Variants in PSME4 observed in about 807,000 individuals in gnomAD.
The protein encoded by PSME4 is proteasome activator complex subunit 4.
In PSME4, 89 loss-of-function variants were observed where a neutral mutation model predicts 253.9. The ratio of observed to expected loss-of-function variants is 0.35; its 90% CI spans 0.30 to 0.42. The LOEUF (loss-of-function observed/expected upper bound fraction) is 0.42, where lower values mean the gene tolerates loss of function less well. PSME4 is among the 10% of genes least tolerant of loss of function. The pLI, the probability that PSME4 is intolerant of heterozygous loss-of-function variation, is 1.00. For missense variants in PSME4, 2,014 were observed against 2,195.2 expected, an observed-to-expected ratio of 0.92 and a Z score of 1.65; for synonymous variants, 851 against 759.2, an observed-to-expected ratio of 1.12 and a Z score of -1.99.
intron 3 of PSME4, among the ~76,000 whole-genome samples, chr2:53,946,105 C>T (rs912532753): frequency 6.6e-6 from 1 of 152,132 alleles, no homozygotes; most frequent in Admixed American, 6.6e-5. Context: ...AGAAAATTTC[C>T]AGACAAACAG....
chr2:53,932,951 T>A, intron 8 of PSME4, 191 bp from the exon 9 acceptor site: 1 of 531,484 alleles, frequency 1.9e-6, no homozygotes, highest in Non-Finnish European at 3.4e-6. Context: ...CTCAAAATAT[T>A]CTACTGCAAA....
chr2:53,965,999 C>T (rs1670717673), intron 1 of PSME4, among the ~76,000 whole-genome samples: 1 of 152,160 alleles, frequency 6.6e-6, no homozygotes, highest in Non-Finnish European at 1.5e-5. Context: ...CACTCCACTA[C>T]TGGCACTACA....
chr2:53,873,237 T>TTAAAAAAAAAAAAAAA (rs1678972378), intron 43 of PSME4, among the ~76,000 whole-genome samples: 1 of 63,464 alleles, frequency 1.6e-5, no homozygotes, highest in African/African-American at 8.6e-5. Context: ...AGACTCCGTC[T>TTAAAAAAAAAAAAAAA]CAAAAAAAAA....
chr2:53,929,454 G>A (rs994624398), intron 10 of PSME4, among the ~76,000 whole-genome samples: 2 of 152,018 alleles, frequency 1.3e-5, no homozygotes, highest in African/African-American at 4.8e-5. Context: ...TACCACTCCC[G>A]GCTAACTTTT....
At chr2:53,948,682 A>T in intron 2 of PSME4, 145 bp from the exon 3 acceptor site, 1 of 620,508 alleles carries the variant, frequency 1.6e-6, no homozygotes, top group Non-Finnish European at 2.9e-6. Context: ...CACTAGCAGA[A>T]CATAGTATTA....
rs374063685 is a variant in PSME4 at position 53,866,854 on chromosome 2, G to C, written c.5290C>G (p.Leu1764Val). The C allele has an allele frequency of 6.2e-7, 1 of 1,613,930 alleles. No homozygotes were observed. The highest frequency in any genetic ancestry group is 8.5e-7 in the Non-Finnish European group (1 of 1,179,966). Residue 1764 changes from leucine to valine, a missense_variant, in exon 45 of 47, where the codon CTA becomes GTA. By Grantham distance (32) the Leu-to-Val change is conservative. Around this residue, in one of 4 missense-constraint regions of PSME4, gnomAD observed 403 missense variants for 556.1 expected, o/e 0.72. Coordinates refer to ENST00000404125, the MANE Select transcript of PSME4 (RefSeq NM_014614.3). ...GAAAGAACACATGCACCAAGTCCTA[G>C]CACCCCAGCATGGCGTTTGACCAAC... The part of the protein sequence containing the change: ...AELVKRHAGV[L>V]GLGACVLSSP...
In PSME4 at chr2:53,920,769, A is replaced by G. The variant is rs149705901; in HGVS notation, c.2262+120T>C. 7.1e-4 allele frequency: 586 copies of G among 828,912 alleles called. 2 individuals are homozygous for G. In the African/African-American group the frequency reaches 9.6e-3, roughly 14 times the overall value. The allele number at this position is 828,912 out of a possible 1,614,324, so 51.3% of individuals were successfully genotyped here. ...CACAAGTTTCACATATTCCAATAATAGTTTCAATAATCTATCTTAAAAGTA... is the reference window on the plus strand; with the variant it reads ...CACAAGTTTCACATATTCCAATAATGGTTTCAATAATCTATCTTAAAAGTA... On this transcript the variant is annotated intron_variant, in intron 18 of 46. Coordinates refer to ENST00000404125, the MANE Select transcript of PSME4 (RefSeq NM_014614.3).
At chr2:53,930,807 T>C (rs1251267799) in intron 10 of PSME4, among the ~76,000 whole-genome samples, 2 of 152,174 alleles carry the variant, frequency 1.3e-5, no homozygotes, top group African/African-American at 4.8e-5. Context: ...CTTGGACAAA[T>C]TTTTATGGAA....
chr2:53,970,280 G>A (rs1485156695), intron 1 of PSME4, among the ~76,000 whole-genome samples: 1 of 152,218 alleles, frequency 6.6e-6, no homozygotes, highest in Non-Finnish European at 1.5e-5. Flanking sequence ...CAGGTGGGAA[G>A]ACAACAACCC....
Position 53,894,981 on chromosome 2 carries a change from G to A in PSME4, c.3912+26C>T, listed in dbSNP as rs372991412. 12 of 1,588,680 alleles carry A rather than the reference G, an allele frequency of 7.6e-6. No individual in the cohort carries two copies. In the African/African-American group the frequency reaches 1.6e-4, roughly 22 times the overall value. On this transcript the variant is annotated intron_variant, in intron 34 of 46. Transcript: ENST00000404125. Reference sequence around the variant, plus strand: ...CAGTGGCCCAAAACAAGATGCATTTGAACCATGGTGAAATGGAATGCTTAC... The same window carrying A: ...CAGTGGCCCAAAACAAGATGCATTTAAACCATGGTGAAATGGAATGCTTAC...
rs2104404515 is a variant in PSME4, at chr2:53,865,208, A to G, written c.*370T>C. On this transcript the variant is annotated 3_prime_UTR_variant, in exon 47 of 47. Transcript: ENST00000404125. ...AAAATAATTTGAGATGAATGAAATGACAGGACCTGTATTACAGATGGGTAT... is the reference window on the plus strand; with the variant it reads ...AAAATAATTTGAGATGAATGAAATGGCAGGACCTGTATTACAGATGGGTAT... 1 of 152,792 alleles carries G rather than the reference A, an allele frequency of 6.5e-6. No individual in the cohort carries two copies. The highest frequency in any genetic ancestry group is 2.1e-4 in the South Asian group (1 of 4,832). The allele number at this position is 152,792 out of a possible 1,614,324, so 9.5% of individuals were successfully genotyped here.
intron 11 of PSME4, among the ~76,000 whole-genome samples, 172 bp downstream of exon 11, chr2:53,927,945 G>A (rs551808255): frequency 1.3e-5 from 2 of 152,050 alleles, no homozygotes; most frequent in South Asian, 2.1e-4. Context: ...CCAAGACTCC[G>A]TCTCAAAATA....
chr2:53,884,867 A>C (rs1679564816), intron 41 of PSME4, among the ~76,000 whole-genome samples: 1 of 152,238 alleles, frequency 6.6e-6, no homozygotes, highest in Admixed American at 6.5e-5. Context: ...AAAGTATTTT[A>C]GTAGTACAAT....
intron 41 of PSME4, among the ~76,000 whole-genome samples, chr2:53,876,865 G>A (rs903942229): frequency 6.6e-6 from 1 of 150,994 alleles, no homozygotes; most frequent in Non-Finnish European, 1.5e-5. Context: ...CCACAGGCAC[G>A]CACCACCGTG....
intron 3 of PSME4, among the ~76,000 whole-genome samples, chr2:53,947,221 A>G (rs1255283677): frequency 6.6e-6 from 1 of 152,208 alleles, no homozygotes; most frequent in East Asian, 1.9e-4. Flanking sequence ...ATTCTATGGT[A>G]AGGGACAAAG....
Position 53,939,936 on chromosome 2 carries a change from T to C in PSME4, c.545+20A>G, listed in dbSNP as rs760318505. Reference sequence around the variant, plus strand: ...CCCACAGAAACAACAAGAGGCTTTATAAATTGAGAAGCTACTTACGGTCGG... The same window carrying C: ...CCCACAGAAACAACAAGAGGCTTTACAAATTGAGAAGCTACTTACGGTCGG... On this transcript the variant is annotated intron_variant, in intron 4 of 46. Transcript: ENST00000404125. 3.8e-6 allele frequency: 6 copies of C among 1,570,136 alleles called. No individual in the cohort carries two copies. Among genetic ancestry groups the C allele is most frequent in the South Asian group, 3.4e-5 (3 of 88,846 alleles).
At chr2:53,949,895 G>T (rs189879740) in intron 1 of PSME4, among the ~76,000 whole-genome samples, 1 of 152,200 alleles carries the variant, frequency 6.6e-6, no homozygotes, top group East Asian at 1.9e-4. Context: ...AATAGGTGTG[G>T]TAACAATTTC....
At position 53,932,105 on chromosome 2, in the gene PSME4, G is replaced by A. The variant is rs375619810; in HGVS notation, c.1051-5C>T. 1.1e-5 allele frequency: 17 copies of A among 1,610,918 alleles called. No homozygotes were observed. In the African/African-American group the frequency reaches 2.3e-4, roughly 22 times the overall value. On this transcript the variant is annotated splice_polypyrimidine_tract_variant and splice_region_variant and intron_variant, in intron 9 of 46. Transcript: ENST00000404125. ...AAGTAGTTTCATTAACTTGTTCTGG[G>A]GACACAGAAGCAAAAAGTTCTAAGT...
At chr2:53,952,162 G>A (rs1019608008) in intron 1 of PSME4, among the ~76,000 whole-genome samples, 24 of 152,168 alleles carry the variant, frequency 1.6e-4, no homozygotes, top group Admixed American at 1.3e-4. Flanking sequence ...CCAGCCAGGC[G>A]TGGTGGCTCA....
Sources: gnomAD v4.1 joint callset for allele counts (sites outside exome capture counted in the v4.1 genomes callset) on GRCh38, gnomAD v4.1.1 for gene constraint, gnomAD v4.1.1 regional missense constraint, MANE v1.5 for transcripts, NCBI Gene and HGNC (gene_info 2026-07-23, HGNC 2026-07-21) for gene names.